The following ELMO2 variants were observed in gnomAD, a reference collection of about 807,000 sequenced individuals.
ELMO2 encodes the protein engulfment and cell motility protein 2.
In ELMO2, 37 loss-of-function variants were observed where a neutral mutation model predicts 96.2. The observed-to-expected ratio is 0.38, with a 90% CI of 0.30 to 0.51. ELMO2 has a LOEUF of 0.51. ELMO2 is among the 20% of genes least tolerant of loss of function. ELMO2 has a pLI of 0.88. For synonymous variants in ELMO2, 315 were observed against 329.4 expected, an observed-to-expected ratio of 0.96 and a Z score of 0.47; for missense variants, 561 against 912.6, an observed-to-expected ratio of 0.61 and a Z score of 4.96.
At chr20:46,367,595 A>C in intron 21 of ELMO2, 35 bp from the exon 22 acceptor site, 1 of 1,532,234 alleles carries the variant, frequency 6.5e-7, no homozygotes, top group Non-Finnish European at 8.8e-7. Context: ...TCACATCGTG[A>C]CCCCTGGTCA....
At chr20:46,379,198 C>G (rs1265571843) in intron 11 of ELMO2, among the ~76,000 whole-genome samples, 1 of 152,008 alleles carries the variant, frequency 6.6e-6, no homozygotes, top group African/African-American at 2.4e-5. Flanking sequence ...TTCACCATGT[C>G]GGTCAGGCTG....
In ELMO2 at chr20:46,371,588, G is replaced by A. The variant is rs765582782; in HGVS notation, c.1684C>T (p.Arg562Ter). 1.9e-6 allele frequency: 3 copies of A among 1,602,720 alleles called. No individual in the cohort carries two copies. The highest frequency in any genetic ancestry group is 2.2e-5 in the South Asian group (2 of 89,790). Residue 562 changes from arginine to a stop codon, truncating the protein, a stop_gained, in exon 18 of 22, where the codon CGA becomes TGA. Coordinates refer to ENST00000290246, the MANE Select transcript of ELMO2 (RefSeq NM_133171.5). LOFTEE classifies it high-confidence loss of function. This position sits in a 1 kb window ranked among gnomAD's most constrained non-coding sequence, Gnocchi z 5.9. ...GSSFRKIGNR[R>*]RQERFWYCRL... ...CCCCGTCTCCTCTCACCTTGCCTTC[G>A]GCGGTTCCCAATCTTTCGGAAGCTG...
intron 20 of ELMO2, 146 bp from the exon 21 acceptor site, chr20:46,369,114 T>G: frequency 1.4e-6 from 1 of 724,750 alleles, no homozygotes; most frequent in Non-Finnish European, 2.3e-6. Flanking sequence ...CGGCCACAAG[T>G]GTGGCTGGAG....
chr20:46,397,610 T>G (rs1178736197), intron 2 of ELMO2, among the ~76,000 whole-genome samples: 1 of 152,140 alleles, frequency 6.6e-6, no homozygotes, highest in Non-Finnish European at 1.5e-5. Flanking sequence ...GGCGGAGGTT[T>G]CAGTGAGCAC....
At chr20:46,373,801 G>T (rs1470061652) in intron 15 of ELMO2, among the ~76,000 whole-genome samples, 2 of 152,070 alleles carry the variant, frequency 1.3e-5, no homozygotes, top group African/African-American at 4.8e-5. Context: ...CAAATTGCCA[G>T]TTCAAACAAA....
Position 46,374,342 on chromosome 20 carries a change from A to T in ELMO2, c.1269T>A (p.Val423=). ...LTKMLCEILQ[V]GELPNEGRND... ...GCTGCAGAGACTTACGTAGTTCCCC[A>T]ACCTGCAGGATTTCACAGAGCATTT... The change falls in exon 15 of 22, where the codon GTT becomes GTA. Residue 423 remains valine, a synonymous_variant. Coordinates refer to ENST00000290246, the MANE Select transcript of ELMO2 (RefSeq NM_133171.5). 6.2e-7 allele frequency: 1 copy of T among 1,613,720 alleles called. No individual in the cohort carries two copies. Among genetic ancestry groups the T allele is most frequent in the Non-Finnish European group, 8.5e-7 (1 of 1,179,730 alleles).
intron 4 of ELMO2, chr20:46,393,848 C>T (rs1262666484): frequency 1.1e-5 from 9 of 796,604 alleles, no homozygotes; most frequent in East Asian, 2.7e-5. Context: ...CAATGCTAGA[C>T]TTTAAGGAAA....
At chr20:46,397,248 C>G (rs1244854614) in intron 2 of ELMO2, among the ~76,000 whole-genome samples, 4 of 152,314 alleles carry the variant, frequency 2.6e-5, no homozygotes, top group South Asian at 2.1e-4. Context: ...GTGACTCTGT[C>G]CTTCCCACAA....
chr20:46,401,164 C>T (rs1352446921), intron 1 of ELMO2, among the ~76,000 whole-genome samples: 1 of 152,210 alleles, frequency 6.6e-6, no homozygotes, highest in Non-Finnish European at 1.5e-5. Flanking sequence ...CCTTTCTAAT[C>T]GAGAACACAA....
chr20:46,372,868 A>G (rs1443831999), intron 16 of ELMO2: 5 of 152,308 alleles, frequency 3.3e-5, no homozygotes, highest in African/African-American at 1.2e-4. Flanking sequence ...TATTCTTTAT[A>G]CTTTCCAAAT....
At chr20:46,386,332 C>G (rs1390883372) in intron 8 of ELMO2, 57 bp from the exon 9 acceptor site, 2 of 1,595,864 alleles carry the variant, frequency 1.3e-6, no homozygotes, top group Non-Finnish European at 1.7e-6. Flanking sequence ...AAGATAGAAG[C>G]TTAGCATCTG....
chr20:46,371,688 C>G lies in ELMO2; in HGVS notation c.1584G>C (p.Glu528Asp), dbSNP rs1209732040. Residue 528 changes from glutamate to aspartate, a missense_variant, in exon 18 of 22, where the codon GAG becomes GAC. Physicochemically the swap from Glu to Asp is conservative, Grantham distance 45 (BLOSUM62 2). Transcript: ENST00000290246. This position sits in a 1 kb window ranked among gnomAD's most constrained non-coding sequence, Gnocchi z 5.9. ...TCTCGGGCTGGATCTTCTCCCTCAG[C>G]TCCCTGGGGTGGACACACACTGGAG... ...QDDFQSPPIV[E>D]LREKIQPEIL... 6.8e-6 allele frequency: 11 copies of G among 1,613,804 alleles called. No individual in the cohort carries two copies. The highest frequency in any genetic ancestry group is 3.3e-5 in the Admixed American group (2 of 60,004).
chr20:46,376,779 T>G lies in ELMO2; in HGVS notation c.808-989A>C, dbSNP rs2059867703. The G allele has an allele frequency of 5.4e-6, 7 of 1,289,256 alleles. No individual in the cohort carries two copies. The South Asian group carries it at 8.6e-5, about 16-fold the overall frequency. The allele number at this position is 1,289,256 out of a possible 1,614,324, so 79.9% of individuals were successfully genotyped here. A position where few individuals can be genotyped will look rare whatever the true frequency, so the allele number is the denominator to read the frequency against. On this transcript the variant is annotated intron_variant, in intron 11 of 21. Coordinates refer to ENST00000290246, the MANE Select transcript of ELMO2 (RefSeq NM_133171.5). ...CTCCATTTTCCACATGTACCACCAC[T>G]ATGTCCTTCAATTTCCCTACTCAGT...
chr20:46,392,324 A>G (rs1217731443), intron 6 of ELMO2, among the ~76,000 whole-genome samples: 2 of 152,032 alleles, frequency 1.3e-5, no homozygotes, highest in African/African-American at 4.8e-5. Flanking sequence ...CATCTAGCAT[A>G]TCACCATACT....
chr20:46,391,979 A>G (rs1236399996), intron 6 of ELMO2, among the ~76,000 whole-genome samples: 1 of 152,212 alleles, frequency 6.6e-6, no homozygotes, highest in Non-Finnish European at 1.5e-5. Flanking sequence ...ATACAGCAGT[A>G]GACTCAAAGT....
intron 16 of ELMO2, 109 bp from the exon 17 acceptor site, chr20:46,372,078 G>A: frequency 1.4e-6 from 2 of 1,396,760 alleles, no homozygotes; most frequent in South Asian, 1.3e-5. Context: ...AGCAGGGCAG[G>A]CACTACAGAC....
At position 46,371,315 on chromosome 20, in the gene ELMO2, C is replaced by T. The variant is rs2059699545; in HGVS notation, c.1801+37G>A. On this transcript the variant is annotated intron_variant, in intron 19 of 21. Coordinates refer to ENST00000290246, the MANE Select transcript of ELMO2 (RefSeq NM_133171.5). This position sits in a 1 kb window ranked among gnomAD's most constrained non-coding sequence, Gnocchi z 5.9. The stretch of plus-strand genomic sequence containing the variant: ...TAGAACTCCTGTCTCCTGACAAGTC[C>T]AGCAACCATGACACATCAACAGAGA... The T allele has an allele frequency of 6.2e-7, 1 of 1,602,606 alleles. No individual in the cohort carries two copies. The highest frequency in any genetic ancestry group is 1.3e-5 in the African/African-American group (1 of 74,732).
Position 46,382,453 on chromosome 20 carries a change from C to T in ELMO2, c.756+963G>A, listed in dbSNP as rs193223583. 1.5e-4 allele frequency among the ~76,000 whole-genome samples: 23 copies of T among 152,348 alleles called. No individual in the cohort carries two copies. The East Asian group carries it at 4.0e-3, about 27-fold the overall frequency. ...CACTTGAATTTCATCTTACTGAGCC[C>T]ATGAGATTGTCAGAGAACTAAAATG... On this transcript the variant is annotated intron_variant, in intron 10 of 21. Coordinates refer to ENST00000290246, the MANE Select transcript of ELMO2 (RefSeq NM_133171.5).
At chr20:46,393,434 T>C in intron 5 of ELMO2, 95 bp downstream of exon 5, 1 of 1,341,892 alleles carries the variant, frequency 7.5e-7, no homozygotes, top group East Asian at 2.3e-5. Flanking sequence ...ACATGGAAGC[T>C]ACCTGGATGC....
Sources: gnomAD v4.1 joint callset for allele counts (sites outside exome capture counted in the v4.1 genomes callset) on GRCh38, gnomAD v4.1.1 for gene constraint, Gnocchi (gnomAD v3.1) non-coding constraint, MANE v1.5 for transcripts, NCBI Gene and HGNC (gene_info 2026-07-23, HGNC 2026-07-21) for gene names.